ARB2A: variants seen among roughly 807,000 people sequenced by gnomAD.
The protein encoded by ARB2A is cotranscriptional regulator ARB2A.
chr5:93,707,424 T>C, the ARB2A span, among the ~76,000 whole-genome samples: 1 of 152,084 alleles, frequency 6.6e-6, no homozygotes, highest in Non-Finnish European at 1.5e-5. Context: ...TATGTTACAC[T>C]TAATTTTTAA....
At chr5:93,636,341 T>G in the ARB2A span, among the ~76,000 whole-genome samples, 2 of 152,226 alleles carry the variant, frequency 1.3e-5, no homozygotes, top group African/African-American at 4.8e-5. Context: ...TGTTTGTTTC[T>G]CCTCAGAATT....
chr5:93,708,081 C>T, the ARB2A span, among the ~76,000 whole-genome samples: 1 of 152,170 alleles, frequency 6.6e-6, no homozygotes, highest in Non-Finnish European at 1.5e-5. Context: ...TCATCTCTTT[C>T]ATTCCCTGTA....
At chr5:93,667,959 T>G in the ARB2A span, among the ~76,000 whole-genome samples, 1 of 152,270 alleles carries the variant, frequency 6.6e-6, no homozygotes, top group Admixed American at 6.5e-5. Flanking sequence ...ATGACTAAAT[T>G]AGAATGTTCA....
the ARB2A span, among the ~76,000 whole-genome samples, chr5:94,099,682 A>G: frequency 1.3e-5 from 2 of 152,004 alleles, no homozygotes; most frequent in Non-Finnish European, 2.9e-5. Context: ...TTCATCACAT[A>G]AACAGAACTA....
chr5:94,065,012 A>G, the ARB2A span, among the ~76,000 whole-genome samples: 1 of 152,222 alleles, frequency 6.6e-6, no homozygotes, highest in Admixed American at 6.5e-5. Flanking sequence ...GAAAAAAACA[A>G]AGGATATTAA....
At chr5:94,053,072 TATAGATAGATAG>T in the ARB2A span, 887 of 638,560 alleles carry the variant, frequency 1.4e-3, 4 homozygotes, top group African/African-American at 4.6e-3. Flanking sequence ...TTGCATATAC[TATAGATAGATAG>T]ATAGATAGAT....
chr5:93,763,707 T>A, the ARB2A span, among the ~76,000 whole-genome samples: 1 of 152,154 alleles, frequency 6.6e-6, no homozygotes, highest in Non-Finnish European at 1.5e-5. Context: ...CTAATAGACA[T>A]TGACAGAACT....
At chr5:93,860,307 A>G in the ARB2A span, among the ~76,000 whole-genome samples, 3 of 152,114 alleles carry the variant, frequency 2.0e-5, no homozygotes, top group Non-Finnish European at 4.4e-5. Context: ...AAAATAAAGA[A>G]TCTTATACTA....
At chr5:93,967,354 C>T in the ARB2A span, among the ~76,000 whole-genome samples, 1 of 151,960 alleles carries the variant, frequency 6.6e-6, no homozygotes, top group Admixed American at 6.6e-5. Flanking sequence ...ACTGACCTTA[C>T]AAAAACAAAA....
At chr5:94,104,449 T>C in the ARB2A span, among the ~76,000 whole-genome samples, 11 of 151,760 alleles carry the variant, frequency 7.2e-5, no homozygotes, top group South Asian at 1.9e-3. Flanking sequence ...CCTCCCAAGA[T>C]TGAATCAGAA....
chr5:94,064,316 A>C, the ARB2A span, among the ~76,000 whole-genome samples: 1 of 152,184 alleles, frequency 6.6e-6, no homozygotes, highest in Non-Finnish European at 1.5e-5. Flanking sequence ...AAATAAAGAA[A>C]AAACAATGAG....
At chr5:93,981,125 A>G in the ARB2A span, among the ~76,000 whole-genome samples, 1 of 151,056 alleles carries the variant, frequency 6.6e-6, no homozygotes, top group African/African-American at 2.4e-5. Flanking sequence ...GGAGTGTGCA[A>G]TGGCGCGATC....
At chr5:93,804,643 T>C in the ARB2A span, among the ~76,000 whole-genome samples, 1 of 151,830 alleles carries the variant, frequency 6.6e-6, no homozygotes, top group African/African-American at 2.4e-5. Context: ...TGCTTGCTTA[T>C]TAGCCAATAT....
At chr5:94,047,692 T>A in the ARB2A span, among the ~76,000 whole-genome samples, 2 of 152,102 alleles carry the variant, frequency 1.3e-5, no homozygotes, top group Non-Finnish European at 2.9e-5. Flanking sequence ...CAAAAATAAA[T>A]CTGTGTGCCT....
the ARB2A span, among the ~76,000 whole-genome samples, chr5:93,947,381 C>T: frequency 1.3e-5 from 2 of 151,942 alleles, no homozygotes; most frequent in African/African-American, 4.8e-5. Context: ...GTTTATTTAC[C>T]CTACCTGGTA....
chr5:93,702,052 T>C, the ARB2A span, among the ~76,000 whole-genome samples: 3 of 152,188 alleles, frequency 2.0e-5, no homozygotes, highest in Admixed American at 6.5e-5. Context: ...TTTACTATTA[T>C]GCAATCTTTG....
the ARB2A span, among the ~76,000 whole-genome samples, chr5:94,024,325 C>A: frequency 6.6e-6 from 1 of 152,130 alleles, no homozygotes; most frequent in African/African-American, 2.4e-5. Context: ...CAGCAGACTG[C>A]CTTTGGACTC....
chr5:93,677,675 G>T, the ARB2A span, among the ~76,000 whole-genome samples: 1 of 152,194 alleles, frequency 6.6e-6, no homozygotes, highest in East Asian at 1.9e-4. Context: ...TTGCAGCATG[G>T]TTCTCTGCAA....
At chr5:93,763,782 C>G in the ARB2A span, among the ~76,000 whole-genome samples, 10,723 of 152,052 alleles carry the variant, frequency 0.071, 821 homozygotes, top group East Asian at 0.23. Flanking sequence ...TTCCAAAATT[C>G]ACCACACAGT....
Sources: gnomAD v4.1 joint callset for allele counts (sites outside exome capture counted in the v4.1 genomes callset) on GRCh38, gnomAD v4.1.1 for gene constraint, MANE v1.5 for transcripts, NCBI Gene and HGNC (gene_info 2026-07-23, HGNC 2026-07-21) for gene names.